The following FZR1 variants were observed in gnomAD, a reference collection of about 807,000 sequenced individuals.
FZR1 encodes the protein fizzy-related protein homolog.
A neutral mutation model predicts 63.6 loss-of-function variants in FZR1; 11 were observed. That is an observed-to-expected ratio of 0.17 (90% CI 0.11 to 0.29). The LOEUF is 0.29. Among genes scored for constraint, FZR1 ranks in the 10% least tolerant of loss-of-function variants. The probability of loss-of-function intolerance (pLI) is 1.00; values close to 1 mark genes in which losing one functional copy is unlikely to be tolerated. For synonymous variants in FZR1, 328 were observed against 297.9 expected, an observed-to-expected ratio of 1.10 and a Z score of -1.04; for missense variants, 440 against 687.5, an observed-to-expected ratio of 0.64 and a Z score of 4.03.
At chr19:3,529,043 A>AGGATGGGAGTGCGGATGCTTGAGC (rs2083196646) in intron 7 of FZR1, among the ~76,000 whole-genome samples, 1 of 139,880 alleles carries the variant, frequency 7.1e-6, no homozygotes, top group Non-Finnish European at 1.5e-5. Context: ...GATGGGTGAG[A>AGGATGGGAGTGCGGATGCTTGAGC]GGATGGGAGT....
At chr19:3,517,349 C>T (rs2083065595) in intron 1 of FZR1, among the ~76,000 whole-genome samples, 1 of 151,714 alleles carries the variant, frequency 6.6e-6, no homozygotes, top group African/African-American at 2.4e-5. Context: ...ATAATTGCAC[C>T]ACTGCTCTCC....
At chr19:3,508,686 G>A (rs1466335559) in intron 1 of FZR1, among the ~76,000 whole-genome samples, 1 of 152,200 alleles carries the variant, frequency 6.6e-6, no homozygotes, top group Non-Finnish European at 1.5e-5. Flanking sequence ...TCCAGGCAGA[G>A]GTGAAGATCC....
rs1265952569 is a variant in FZR1 at position 3,530,281 on chromosome 19, G to C, written c.655-511G>C. ...GGATGGGAGAGCGGATGGGAGAGCG[G>C]ATGGGAGAGCGCAGGGGAGAGCGGA... On this transcript the variant is annotated intron_variant, in intron 7 of 13. Transcript: ENST00000441788. Among the ~76,000 whole-genome samples, 109 of 132,218 alleles carry C rather than the reference G, an allele frequency of 8.2e-4. 4 individuals are homozygous for C. The highest frequency in any genetic ancestry group is 1.3e-3 in the East Asian group (6 of 4,702). The allele number at this position is 132,218 out of a possible 152,430, so 86.7% of individuals were successfully genotyped here.
At chr19:3,513,429 T>C (rs376303376) in intron 1 of FZR1, among the ~76,000 whole-genome samples, 1 of 152,012 alleles carries the variant, frequency 6.6e-6, no homozygotes, top group South Asian at 2.1e-4. Flanking sequence ...GGCCAGGGAG[T>C]GGGCACAGAG....
intron 1 of FZR1, among the ~76,000 whole-genome samples, chr19:3,511,310 G>GA: frequency 6.6e-6 from 1 of 152,264 alleles, no homozygotes; most frequent in South Asian, 2.1e-4. Context: ...GAGTGGGCTG[G>GA]AGGTGGGAGC....
Position 3,530,350 on chromosome 19 carries a change from A to AGAAGGGAGAGCG in FZR1, c.655-439_655-428dup, listed in dbSNP as rs1157159326. Among the ~76,000 whole-genome samples the AGAAGGGAGAGCG allele has an allele frequency of 2.2e-4, 15 of 69,618 alleles. 1 individual carries two copies. The highest frequency in any genetic ancestry group is 4.0e-4 in the Non-Finnish European group (14 of 35,292). The allele number at this position is 69,618 out of a possible 152,430, so 45.7% of individuals were successfully genotyped here. A position where few individuals can be genotyped will look rare whatever the true frequency, so the allele number is the denominator to read the frequency against. On this transcript the variant is annotated intron_variant, in intron 7 of 13. Transcript: ENST00000441788. ...TGGTTGAGGGAGTGGATGGTTGAGC[A>AGAAGGGAGAGCG]GAAGGGAGAGCGGATGGGAGAGCGG...
chr19:3,528,257 A>G (rs1349700326), intron 7 of FZR1, among the ~76,000 whole-genome samples: 2 of 152,208 alleles, frequency 1.3e-5, no homozygotes, highest in African/African-American at 4.8e-5. Flanking sequence ...TAGTCCCTAC[A>G]GGGAGACTGG....
chr19:3,519,984 G>C (rs894807975), intron 1 of FZR1, among the ~76,000 whole-genome samples: 1 of 152,092 alleles, frequency 6.6e-6, no homozygotes, highest in African/African-American at 2.4e-5. Context: ...TGGGGCTCAG[G>C]ATCTGCGTAG....
chr19:3,517,869 T>C (rs1398413073), intron 1 of FZR1, among the ~76,000 whole-genome samples: 2 of 150,278 alleles, frequency 1.3e-5, no homozygotes, highest in African/African-American at 2.4e-5. Flanking sequence ...TTTTTTTTTT[T>C]TTCCTTCCTG....
Position 3,516,241 on chromosome 19 carries a change from C to T in FZR1, c.-34-6715C>T, listed in dbSNP as rs1011206448. On this transcript the variant is annotated intron_variant, in intron 1 of 13. Coordinates refer to ENST00000441788, the MANE Select transcript of FZR1 (RefSeq NM_016263.4). The surrounding 1 kb of genome is among the most constrained non-coding windows in gnomAD (Gnocchi z 6.0). ...TCCCCCAGCCCACAGCCTCCCCCAC[C>T]GTCTGACGGGCGGGAGGGTGGTGTC... 1.3e-5 allele frequency among the ~76,000 whole-genome samples: 2 copies of T among 152,206 alleles called. No individual in the cohort carries two copies. The highest frequency in any genetic ancestry group is 2.1e-4 in the South Asian group (1 of 4,830).
At chr19:3,507,796 G>A (rs1001967566) in intron 1 of FZR1, among the ~76,000 whole-genome samples, 1 of 152,248 alleles carries the variant, frequency 6.6e-6, no homozygotes, top group African/African-American at 2.4e-5. Context: ...CGTCTGTCAT[G>A]CGGAATTCCG....
rs11357702 is a variant in FZR1, at chr19:3,515,766, TAAAA to T, written c.-34-7177_-34-7174del. On this transcript the variant is annotated intron_variant, in intron 1 of 13. Transcript: ENST00000441788. This position sits in a 1 kb window ranked among gnomAD's most constrained non-coding sequence, Gnocchi z 4.6. Reference sequence around the variant, plus strand: ...GGGTGACAGAGCCAGACTCCGTCTCTAAAAAAAAAAAAAAAAGGAATTCAAGAAG... The same window carrying T: ...GGGTGACAGAGCCAGACTCCGTCTCTAAAAAAAAAAAAGGAATTCAAGAAG... Among the ~76,000 whole-genome samples the T allele has an allele frequency of 7.4e-6, 1 of 134,396 alleles. No homozygotes were observed. The highest frequency in any genetic ancestry group is 1.6e-5 in the Non-Finnish European group (1 of 61,478). The allele number at this position is 134,396 out of a possible 152,430, so 88.2% of individuals were successfully genotyped here.
chr19:3,526,305 C>A lies in FZR1; in HGVS notation c.306C>A (p.Ala102=). The stretch of plus-strand genomic sequence containing the variant: ...TGCTCAAGAATGAGCTGCTGGGTGC[C>A]GGCATCGAGAAGGTGCAGGACCCGC... The part of the protein sequence containing the change: ...SALLKNELLG[A]GIEKVQDPQT... The change falls in exon 5 of 14, where the codon GCC becomes GCA. Residue 102 remains alanine (A), a synonymous_variant. Coordinates refer to ENST00000441788, the MANE Select transcript of FZR1 (RefSeq NM_016263.4). The surrounding 1 kb of genome is among the most constrained non-coding windows in gnomAD (Gnocchi z 5.4). 6.2e-7 allele frequency: 1 copy of A among 1,606,520 alleles called. No individual in the cohort carries two copies. The highest frequency in any genetic ancestry group is 8.5e-7 in the Non-Finnish European group (1 of 1,177,240).
chr19:3,532,488 C>G lies in FZR1; in HGVS notation c.1080C>G (p.Ala360=). The G allele has an allele frequency of 6.2e-7, 1 of 1,606,102 alleles. No homozygotes were observed. Among genetic ancestry groups the G allele is most frequent in the Non-Finnish European group, 8.5e-7 (1 of 1,175,274 alleles). ...QYTEHLAAVK[A]IAWSPHQHGL... Reference sequence around the variant, plus strand: ...CGGAGCACCTGGCGGCCGTGAAGGCCATCGCCTGGTCCCCACATCAGCACG... The same window carrying G: ...CGGAGCACCTGGCGGCCGTGAAGGCGATCGCCTGGTCCCCACATCAGCACG... The change falls in exon 11 of 14, where the codon GCC becomes GCG. Residue 360 remains alanine (A), a synonymous_variant. Transcript: ENST00000441788.
rs1441724422 is a variant in FZR1, at chr19:3,537,869, AG to A, written c.*3038del. ...AGGAGGTGGCGTCACAAGGGTGGGG[AG>A]GGGGCCTTGGGGAAGGGCGGCCTTG... On this transcript the variant is annotated 3_prime_UTR_variant, in exon 14 of 14. Coordinates refer to ENST00000441788, the MANE Select transcript of FZR1 (RefSeq NM_016263.4). The A allele has an allele frequency of 9.9e-5, 15 of 152,196 alleles. No individual in the cohort carries two copies. In the East Asian group the frequency reaches 2.7e-3, roughly 28 times the overall value. The allele number at this position is 152,196 out of a possible 1,614,324, so 9.4% of individuals were successfully genotyped here.
chr19:3,523,571 C>T (rs996531066), intron 2 of FZR1, among the ~76,000 whole-genome samples: 1 of 152,222 alleles, frequency 6.6e-6, no homozygotes. Flanking sequence ...CCGACTCCTG[C>T]GGGGGGCTGA....
At position 3,532,584 on chromosome 19, in the gene FZR1, A is replaced by G. The variant is rs536455701; in HGVS notation, c.1176A>G (p.Pro392=). The change falls in exon 11 of 14, where the codon CCA becomes CCG. Residue 392 remains proline, a synonymous_variant. Transcript: ENST00000441788. The part of the protein sequence containing the change: ...IRFWNTLTGQ[P]LQCIDTGSQV... ...TCTGGAACACGCTGACAGGACAACC[A>G]CTGCAGTGTATCGACACGGGCTCCC... 4 of 1,612,430 alleles carry G rather than the reference A, an allele frequency of 2.5e-6. No homozygotes were observed. Among genetic ancestry groups the G allele is most frequent in the Non-Finnish European group, 3.4e-6 (4 of 1,179,758 alleles).
At chr19:3,534,318 G>C in intron 12 of FZR1, 103 bp from the exon 13 acceptor site, 1 of 614,468 alleles carries the variant, frequency 1.6e-6, no homozygotes, top group Non-Finnish European at 2.9e-6. Flanking sequence ...AGTCTGGGGG[G>C]CCCAGCCACC....
In FZR1 at chr19:3,532,479, C is replaced by T. The variant is rs56800834; in HGVS notation, c.1071C>T (p.Ala357=). ...AGCAGTACACGGAGCACCTGGCGGC[C>T]GTGAAGGCCATCGCCTGGTCCCCAC... ...PVQQYTEHLA[A]VKAIAWSPHQ... is the part of the protein sequence containing the mutation. Residue 357 remains alanine, a synonymous_variant, in exon 11 of 14, where the codon GCC becomes GCT. Coordinates refer to ENST00000441788, the MANE Select transcript of FZR1 (RefSeq NM_016263.4). 1.7e-3 allele frequency: 2,718 copies of T among 1,602,162 alleles called. 41 individuals carry two copies. The African/African-American group carries it at 0.033, about 19-fold the overall frequency.
Sources: allele counts gnomAD v4.1 joint callset (sites outside exome capture counted in the v4.1 genomes callset), GRCh38; gene constraint gnomAD v4.1.1; non-coding constraint Gnocchi (gnomAD v3.1); transcripts MANE v1.5; gene names NCBI Gene and HGNC (gene_info 2026-07-23, HGNC 2026-07-21).